The following MAGI1 variants were observed in gnomAD, a reference collection of about 807,000 sequenced individuals.
MAGI1 encodes the protein membrane-associated guanylate kinase, WW and PDZ domain-containing protein 1.
MAGI1 carries 58 observed loss-of-function variants against 139.9 expected under a neutral mutation model. That is an observed-to-expected ratio of 0.41 (90% confidence interval 0.34 to 0.52). MAGI1 has a LOEUF of 0.52. Among genes scored for constraint, MAGI1 ranks in the 20% least tolerant of loss-of-function variants. The probability of loss-of-function intolerance (pLI) is 0.12; values close to 1 mark genes in which losing one functional copy is unlikely to be tolerated. For synonymous variants in MAGI1, 812 were observed against 737.9 expected (o/e 1.10, Z -1.63); for missense variants, 1,874 against 1,901.6 (o/e 0.99, Z 0.27).
At chr3:65,761,587 G>A (rs1385500565) in intron 1 of MAGI1, among the ~76,000 whole-genome samples, 1 of 152,076 alleles carries the variant, frequency 6.6e-6, no homozygotes, top group African/African-American at 2.4e-5. Flanking sequence ...AGGTTAAGAG[G>A]AGCAAGCCAT....
intron 10 of MAGI1, among the ~76,000 whole-genome samples, chr3:65,434,865 G>T (rs1947722031): frequency 6.6e-6 from 1 of 152,206 alleles, no homozygotes; most frequent in South Asian, 2.1e-4. Context: ...CTCAAGGAGA[G>T]TTCAGTGAGC....
intron 2 of MAGI1, among the ~76,000 whole-genome samples, chr3:65,578,148 G>A (rs1049719199): frequency 1.4e-4 from 22 of 152,112 alleles, no homozygotes; most frequent in African/African-American, 2.7e-4. Context: ...AGACAAAGGC[G>A]ACTCTGGCAA....
chr3:65,794,522 G>A (rs2039994750), intron 1 of MAGI1, among the ~76,000 whole-genome samples: 1 of 152,106 alleles, frequency 6.6e-6, no homozygotes, highest in Non-Finnish European at 1.5e-5. Flanking sequence ...GGACAGTGAG[G>A]TGATAGTCAC....
chr3:65,404,160 C>T (rs1162251153), intron 12 of MAGI1, among the ~76,000 whole-genome samples: 1 of 152,214 alleles, frequency 6.6e-6, no homozygotes, highest in Non-Finnish European at 1.5e-5. Context: ...TTTAAGGAGA[C>T]TTTAGCCTTA....
At chr3:65,720,685 T>C (rs995614818) in intron 1 of MAGI1, among the ~76,000 whole-genome samples, 9 of 152,320 alleles carry the variant, frequency 5.9e-5, no homozygotes, top group South Asian at 2.1e-4. Flanking sequence ...TCAGGATAGA[T>C]AGATCTCTCA....
intron 1 of MAGI1, chr3:65,907,654 G>T (rs1019261071): frequency 6.6e-6 from 1 of 152,180 alleles, no homozygotes; most frequent in African/African-American, 2.4e-5. Context: ...AGTGGATCTG[G>T]TGTTTTCAGA....
At chr3:65,946,995 T>C (rs1025100966) in intron 1 of MAGI1, among the ~76,000 whole-genome samples, 28 of 152,350 alleles carry the variant, frequency 1.8e-4, no homozygotes, top group African/African-American at 6.3e-4. Context: ...CAGTATTTTA[T>C]ATGAATTAAT....
chr3:65,996,546 G>A (rs1246337914), intron 1 of MAGI1, among the ~76,000 whole-genome samples: 5 of 151,798 alleles, frequency 3.3e-5, no homozygotes, highest in African/African-American at 9.7e-5. Flanking sequence ...ACTAAGGGGG[G>A]GGGGGGGGAA....
chr3:65,599,934 T>A (rs968488708), intron 2 of MAGI1, among the ~76,000 whole-genome samples: 4 of 152,220 alleles, frequency 2.6e-5, no homozygotes, highest in African/African-American at 9.6e-5. Context: ...AAGAGTTACA[T>A]GCAAAGTATT....
intron 1 of MAGI1, among the ~76,000 whole-genome samples, chr3:65,806,337 G>A: frequency 6.6e-6 from 1 of 151,960 alleles, no homozygotes; most frequent in East Asian, 1.9e-4. Flanking sequence ...GCTGAGGCAA[G>A]AGAATCCTTT....
intron 5 of MAGI1, among the ~76,000 whole-genome samples, chr3:65,456,599 T>C (rs936691112): frequency 1.3e-5 from 2 of 152,208 alleles, no homozygotes; most frequent in Admixed American, 1.3e-4. Context: ...CCTAGCCCTG[T>C]ATTTCAAAAA....
Position 66,038,017 on chromosome 3 carries a change from T to C in MAGI1, c.292A>G (p.Thr98Ala), listed in dbSNP as rs760826615. ...TTACCTTGTCTGACGGCCTTGAAGGTGACGGCCTCCTTGCAGCTGTCGATG... is the reference window on the plus strand; with the variant it reads ...TTACCTTGTCTGACGGCCTTGAAGGCGACGGCCTCCTTGCAGCTGTCGATG... ...GVIDSCKEAV[T>A]FKAVRQGGRL... is the part of the protein sequence containing the mutation. Residue 98 changes from threonine (T) to alanine (A), a missense_variant, in exon 1 of 23, where the codon ACC becomes GCC. By Grantham distance (58) the Thr-to-Ala change is moderately conservative. Around this residue, in one of 5 missense-constraint regions of MAGI1, gnomAD observed 648 missense variants for 598.1 expected, o/e 1.08. Transcript: ENST00000402939. The C allele has an allele frequency of 3.3e-5, 53 of 1,595,162 alleles. No homozygotes were observed. The Middle Eastern group carries it at 6.7e-4, about 20-fold the overall frequency.
chr3:65,809,745 T>C (rs913276065), intron 1 of MAGI1, among the ~76,000 whole-genome samples: 1 of 152,088 alleles, frequency 6.6e-6, no homozygotes, highest in Admixed American at 6.6e-5. Flanking sequence ...GGAAGGGAAA[T>C]GGATATTATG....
intron 1 of MAGI1, among the ~76,000 whole-genome samples, chr3:65,891,645 T>C (rs1430236144): frequency 6.8e-6 from 1 of 146,748 alleles, no homozygotes; most frequent in Non-Finnish European, 1.5e-5. Flanking sequence ...TACTCCAAAG[T>C]ATTCAGCAAA....
At chr3:65,778,453 T>A (rs113840721) in intron 1 of MAGI1, among the ~76,000 whole-genome samples, 15,797 of 127,408 alleles carry the variant, frequency 0.12, 2,057 homozygotes, top group African/African-American at 0.18. Context: ...AATAAATAAA[T>A]AAGTCTTTTG....
intron 1 of MAGI1, among the ~76,000 whole-genome samples, chr3:65,850,878 G>C (rs897811664): frequency 1.3e-5 from 2 of 152,094 alleles, no homozygotes; most frequent in African/African-American, 4.8e-5. Context: ...AGGCCGAGGC[G>C]GGCGGATCAC....
intron 2 of MAGI1, among the ~76,000 whole-genome samples, chr3:65,517,322 A>G (rs567994213): frequency 1.3e-5 from 2 of 152,232 alleles, no homozygotes; most frequent in Admixed American, 1.3e-4. Context: ...CTTGGTAAAG[A>G]GCTTCCTAAT....
At chr3:65,937,124 C>A (rs1422188586) in intron 1 of MAGI1, among the ~76,000 whole-genome samples, 1 of 152,160 alleles carries the variant, frequency 6.6e-6, no homozygotes, top group Non-Finnish European at 1.5e-5. Context: ...GGAAGAGAAT[C>A]TCATCAGGGA....
At chr3:65,987,702 C>CTCCCACTTCAGCCTCCCCAGTAGCT (rs58895835) in intron 1 of MAGI1, among the ~76,000 whole-genome samples, 100,645 of 151,964 alleles carry the variant, frequency 0.66, 34,173 homozygotes, top group East Asian at 0.95. Flanking sequence ...CCAAGCAATT[C>CTCCCACTTCAGCCTCCCCAGTAGCT]GGGACTACAG....
Sources: allele counts gnomAD v4.1 joint callset (sites outside exome capture counted in the v4.1 genomes callset), GRCh38; gene constraint gnomAD v4.1.1; regional missense constraint gnomAD v4.1.1; transcripts MANE v1.5; gene names NCBI Gene and HGNC (gene_info 2026-07-23, HGNC 2026-07-21).